The following KSR2 variants were observed in gnomAD, a reference collection of about 807,000 sequenced individuals.
The protein encoded by KSR2 is kinase suppressor of ras 2.
A neutral mutation model predicts 107.8 loss-of-function variants in KSR2; 25 were observed. The ratio of observed to expected loss-of-function variants is 0.23; its 90% CI spans 0.17 to 0.32. The LOEUF (loss-of-function observed/expected upper bound fraction) is 0.32, where lower values mean the gene tolerates loss of function less well. Among genes scored for constraint, KSR2 ranks in the 10% least tolerant of loss-of-function variants. The probability of loss-of-function intolerance (pLI) is 1.00; values close to 1 mark genes in which losing one functional copy is unlikely to be tolerated. For missense variants in KSR2, 887 were observed against 1,268.9 expected (o/e 0.70, Z 4.57); for synonymous variants, 480 against 507.0 (o/e 0.95, Z 0.71).
chr12:117,825,292 G>A (rs1461194894), intron 3 of KSR2, among the ~76,000 whole-genome samples: 3 of 152,192 alleles, frequency 2.0e-5, no homozygotes, highest in African/African-American at 7.2e-5. Context: ...GTCCGTGGAT[G>A]GGTGTGTGCA....
chr12:117,473,480 G>A (rs1184445457), intron 17 of KSR2, among the ~76,000 whole-genome samples: 1 of 152,122 alleles, frequency 6.6e-6, no homozygotes, highest in Admixed American at 6.5e-5. Flanking sequence ...ACTGGCCAAC[G>A]TGCTATCCTA....
chr12:117,607,072 G>A (rs1881316828), intron 5 of KSR2, among the ~76,000 whole-genome samples: 1 of 152,148 alleles, frequency 6.6e-6, no homozygotes, highest in Admixed American at 6.5e-5. Context: ...GGCACCTGCA[G>A]TGTGATTTGT....
chr12:117,657,674 C>T lies in KSR2; in HGVS notation c.1171+9800G>A, dbSNP rs1355113879. ...TGGGTGAAGCCAAGCCCAGCCAGCC[C>T]TGCAGCTCTGGAGGGCAACAAGTAG... On this transcript the variant is annotated intron_variant, in intron 5 of 19. Coordinates refer to ENST00000339824, the MANE Select transcript of KSR2 (RefSeq NM_173598.6). Among the ~76,000 whole-genome samples the T allele has an allele frequency of 2.0e-5, 3 of 152,186 alleles. No individual in the cohort carries two copies. In the East Asian group the frequency reaches 5.8e-4, roughly 29 times the overall value.
At chr12:117,805,736 C>G (rs1890986888) in intron 3 of KSR2, among the ~76,000 whole-genome samples, 1 of 152,220 alleles carries the variant, frequency 6.6e-6, no homozygotes, top group African/African-American at 2.4e-5. Context: ...AATCCCAACA[C>G]TTTGGGAGAC....
At chr12:117,506,803 G>A (rs984366411) in intron 14 of KSR2, among the ~76,000 whole-genome samples, 1 of 152,114 alleles carries the variant, frequency 6.6e-6, no homozygotes, top group Non-Finnish European at 1.5e-5. Context: ...ATATATATAT[G>A]TCAGTAGATC....
intron 4 of KSR2, among the ~76,000 whole-genome samples, chr12:117,670,030 A>G (rs989429640): frequency 3.8e-4 from 58 of 152,080 alleles, no homozygotes; most frequent in African/African-American, 1.4e-3. Flanking sequence ...CCAACAGATT[A>G]TTAGGAGGCG....
In KSR2 at chr12:117,900,767, T is replaced by C. The variant is rs529865827; in HGVS notation, c.181-40336A>G. Reference sequence around the variant, plus strand: ...AATGTGTTGAGTCACACACTCACTATAGCGGCTAGTGCCTCTATATTATTA... The same window carrying C: ...AATGTGTTGAGTCACACACTCACTACAGCGGCTAGTGCCTCTATATTATTA... On this transcript the variant is annotated intron_variant, in intron 1 of 19. Transcript: ENST00000339824. Among the ~76,000 whole-genome samples, 9 of 152,356 alleles carry C rather than the reference T, an allele frequency of 5.9e-5. No homozygotes were observed. The South Asian group carries it at 1.9e-3, about 32-fold the overall frequency.
At chr12:117,906,593 C>A (rs558377314) in intron 1 of KSR2, among the ~76,000 whole-genome samples, 163 of 150,526 alleles carry the variant, frequency 1.1e-3, no homozygotes, top group African/African-American at 3.4e-3. Flanking sequence ...GCTACAAGAG[C>A]AAAACTCCTT....
At chr12:117,536,505 T>G (rs1876063097) in intron 10 of KSR2, among the ~76,000 whole-genome samples, 1 of 152,242 alleles carries the variant, frequency 6.6e-6, no homozygotes, top group Non-Finnish European at 1.5e-5. Context: ...ATAAAGTCCC[T>G]GTCCTCAACA....
At chr12:117,758,252 C>T (rs1386260513) in intron 4 of KSR2, among the ~76,000 whole-genome samples, 1 of 152,180 alleles carries the variant, frequency 6.6e-6, no homozygotes, top group African/African-American at 2.4e-5. Flanking sequence ...TTGGGACTCA[C>T]CTCAACTAAC....
At chr12:117,541,989 G>A (rs1378409540) in intron 9 of KSR2, among the ~76,000 whole-genome samples, 5 of 152,168 alleles carry the variant, frequency 3.3e-5, no homozygotes, top group East Asian at 3.9e-4. Context: ...GGGTTCAAGC[G>A]ATCCTCTCAC....
intron 1 of KSR2, among the ~76,000 whole-genome samples, chr12:117,927,044 T>C (rs1481436169): frequency 2.6e-5 from 4 of 152,168 alleles, no homozygotes; most frequent in Admixed American, 6.6e-5. Context: ...CATTTTGGGG[T>C]AATGATTTTA....
chr12:117,838,194 G>T (rs1892318496), intron 3 of KSR2, among the ~76,000 whole-genome samples: 1 of 152,230 alleles, frequency 6.6e-6, no homozygotes, highest in African/African-American at 2.4e-5. Context: ...TTGAGACGGA[G>T]TCTCGCACTG....
chr12:117,793,547 A>G (rs1032886622), intron 3 of KSR2, among the ~76,000 whole-genome samples: 14 of 149,936 alleles, frequency 9.3e-5, no homozygotes, highest in African/African-American at 3.5e-4. Flanking sequence ...TCACGCCAAC[A>G]TGCACACTCA....
chr12:117,525,535 A>G (rs1372307307), intron 13 of KSR2, among the ~76,000 whole-genome samples: 1 of 152,174 alleles, frequency 6.6e-6, no homozygotes, highest in African/African-American at 2.4e-5. Flanking sequence ...TTTAGCACCG[A>G]AAGTCCCATA....
At chr12:117,794,194 ACCATGCACACATAC>A (rs1376201747) in intron 3 of KSR2, among the ~76,000 whole-genome samples, 1 of 126,130 alleles carries the variant, frequency 7.9e-6, no homozygotes, top group Non-Finnish European at 1.6e-5. Flanking sequence ...ATGCACACAC[ACCATGCACACATAC>A]ACCAACATGC....
intron 14 of KSR2, among the ~76,000 whole-genome samples, chr12:117,512,563 C>A (rs1418442369): frequency 6.6e-6 from 1 of 152,070 alleles, no homozygotes; most frequent in Non-Finnish European, 1.5e-5. Flanking sequence ...TTTCAAAAGC[C>A]CTCCATAAGC....
intron 4 of KSR2, among the ~76,000 whole-genome samples, chr12:117,697,999 G>A (rs947157543): frequency 6.6e-6 from 1 of 152,132 alleles, no homozygotes; most frequent in Non-Finnish European, 1.5e-5. Flanking sequence ...ACCACGTGAA[G>A]ATGAAGGCAG....
intron 1 of KSR2, among the ~76,000 whole-genome samples, chr12:117,865,935 A>C (rs940326050): frequency 6.6e-6 from 1 of 152,040 alleles, no homozygotes; most frequent in Non-Finnish European, 1.5e-5. Flanking sequence ...TCTCTGTCCA[A>C]ATTTTTCTCC....
Sources: gnomAD v4.1 joint callset for allele counts (sites outside exome capture counted in the v4.1 genomes callset) on GRCh38, gnomAD v4.1.1 for gene constraint, MANE v1.5 for transcripts, NCBI Gene and HGNC (gene_info 2026-07-23, HGNC 2026-07-21) for gene names.